CENPK: variants seen among roughly 807,000 people sequenced by gnomAD.
CENPK encodes SoxLZ/Sox6-binding protein Solt.
CENPK carries 46 observed loss-of-function variants against 40.9 expected under a neutral mutation model. The observed-to-expected ratio is 1.13, with a 90% CI of 0.89 to 1.44. The LOEUF (loss-of-function observed/expected upper bound fraction) is 1.44, where lower values mean the gene tolerates loss of function less well. CENPK is among the 40% of genes most tolerant of loss of function. The pLI is 0.00. For missense variants in CENPK, 288 were observed against 303.5 expected (o/e 0.95, Z 0.38); for synonymous variants, 107 against 104.4 (o/e 1.02, Z -0.15).
downstream of CENPK, among the ~76,000 whole-genome samples, chr5:65,515,660 C>T (rs1742806439): frequency 6.6e-6 from 1 of 152,014 alleles, no homozygotes. Flanking sequence ...TAGTTTAATT[C>T]CTTTGTAGTC....
chr5:65,549,207 CTT>C (rs964059095), intron 5 of CENPK, among the ~76,000 whole-genome samples: 1 of 147,670 alleles, frequency 6.8e-6, no homozygotes, highest in African/African-American at 2.5e-5. Context: ...TGAAAGGAAT[CTT>C]TTTTTTTTTC....
At chr5:65,553,756 T>G (rs1287699173) in intron 3 of CENPK, among the ~76,000 whole-genome samples, 1 of 152,214 alleles carries the variant, frequency 6.6e-6, no homozygotes. Context: ...TGGCAATACT[T>G]AGGGCTTCCT....
rs190396789 is a variant in CENPK, at chr5:65,549,009, C to T, written c.241+2555G>A. Among the ~76,000 whole-genome samples, 19 of 152,246 alleles carry T rather than the reference C, an allele frequency of 1.2e-4. 1 individual carries two copies. The highest frequency in any genetic ancestry group is 1.2e-4 in the Non-Finnish European group (8 of 68,022). ...AGGTTTCAATGTACTTTGGCCCAGA[C>T]CATCAGAGGACTTATGACAGCTATA... On this transcript the variant is annotated intron_variant, in intron 5 of 10. Transcript: ENST00000396679.
chr5:65,516,445 A>G (rs2150323357), downstream of CENPK, among the ~76,000 whole-genome samples: 1 of 152,286 alleles, frequency 6.6e-6, no homozygotes, highest in Admixed American at 6.5e-5. Context: ...CGAACAATCC[A>G]CCATCATGTG....
chr5:65,555,879 T>G (rs1581098828), intron 2 of CENPK, among the ~76,000 whole-genome samples: 1 of 152,362 alleles, frequency 6.6e-6, no homozygotes, highest in East Asian at 1.9e-4. Context: ...TTATTGGAGC[T>G]GCTGATTAAG....
chr5:65,498,426 C>A, the CENPK span, among the ~76,000 whole-genome samples: 1 of 151,828 alleles, frequency 6.6e-6, no homozygotes, highest in East Asian at 1.9e-4. Context: ...GAAGTAAAAT[C>A]CTACCTTCCT....
chr5:65,554,254 G>A (rs1407757901), intron 3 of CENPK, among the ~76,000 whole-genome samples: 1 of 151,426 alleles, frequency 6.6e-6, no homozygotes, highest in African/African-American at 2.4e-5. Flanking sequence ...CAATTCTCCT[G>A]TCTCAGCCTG....
At chr5:65,512,146 G>C in the CENPK span, among the ~76,000 whole-genome samples, 1 of 152,304 alleles carries the variant, frequency 6.6e-6, no homozygotes, top group East Asian at 1.9e-4. Context: ...GATACAACTT[G>C]AACAGATGAG....
At chr5:65,501,172 TTG>T in the CENPK span, among the ~76,000 whole-genome samples, 1 of 136,758 alleles carries the variant, frequency 7.3e-6, no homozygotes, top group Non-Finnish European at 1.5e-5. Context: ...ATTGCTAAGT[TTG>T]TTTTTTTTTT....
At chr5:65,550,361 A>C (rs1364865844) in intron 5 of CENPK, 1 of 152,126 alleles carries the variant, frequency 6.6e-6, no homozygotes, top group East Asian at 1.9e-4. Flanking sequence ...CTTAGAAACA[A>C]TTGGAGGGTT....
At chr5:65,536,806 C>T (rs1015987177) in intron 6 of CENPK, among the ~76,000 whole-genome samples, 6 of 152,162 alleles carry the variant, frequency 3.9e-5, no homozygotes, top group Admixed American at 2.0e-4. Flanking sequence ...TTCCAACTGT[C>T]CTTTTTTCCC....
chr5:65,533,370 TA>T (rs1746252535), intron 6 of CENPK, among the ~76,000 whole-genome samples: 3 of 150,970 alleles, frequency 2.0e-5, no homozygotes, highest in East Asian at 1.9e-4. Context: ...AATAAATAAA[TA>T]AAATAACAAA....
chr5:65,533,266 C>T (rs1477527928), intron 6 of CENPK, among the ~76,000 whole-genome samples: 1 of 151,934 alleles, frequency 6.6e-6, no homozygotes, highest in Non-Finnish European at 1.5e-5. Flanking sequence ...AGGAGAATTG[C>T]TTGAACCCAG....
chr5:65,515,204 A>AATTTTTTTTT (rs35708852), downstream of CENPK, among the ~76,000 whole-genome samples: 444 of 124,012 alleles, frequency 3.6e-3, 33 homozygotes, highest in Middle Eastern at 9.9e-3. Flanking sequence ...TCTCAAAAAA[A>AATTTTTTTTT]TTTTTTTTTT....
At chr5:65,505,669 C>T in the CENPK span, among the ~76,000 whole-genome samples, 5 of 152,084 alleles carry the variant, frequency 3.3e-5, no homozygotes, top group African/African-American at 4.8e-5. Flanking sequence ...AAACCTATGT[C>T]GTGTTGTGGA....
chr5:65,540,050 G>A (rs1405126840), intron 6 of CENPK, among the ~76,000 whole-genome samples: 2 of 152,158 alleles, frequency 1.3e-5, no homozygotes, highest in African/African-American at 2.4e-5. Flanking sequence ...AGTTGAGATG[G>A]CTGACTAATC....
chr5:65,512,462 A>G, the CENPK span, among the ~76,000 whole-genome samples: 1 of 152,220 alleles, frequency 6.6e-6, no homozygotes, highest in Non-Finnish European at 1.5e-5. Context: ...CGAACCTCCA[A>G]CAACCACTAC....
At chr5:65,513,264 T>A (rs930186822), downstream of CENPK, among the ~76,000 whole-genome samples, 4 of 152,164 alleles carry the variant, frequency 2.6e-5, no homozygotes, top group African/African-American at 9.7e-5. Flanking sequence ...TCTAACTTTG[T>A]TCTTCTTAAA....
chr5:65,543,039 C>T (rs1720578525), intron 5 of CENPK, among the ~76,000 whole-genome samples, 191 bp from the exon 6 acceptor site: 1 of 152,162 alleles, frequency 6.6e-6, no homozygotes, highest in Non-Finnish European at 1.5e-5. Flanking sequence ...ATTTGGCTCA[C>T]TGCAACCTCC....
Sources: allele counts gnomAD v4.1 joint callset (sites outside exome capture counted in the v4.1 genomes callset), GRCh38; gene constraint gnomAD v4.1.1; transcripts MANE v1.5; gene names NCBI Gene and HGNC (gene_info 2026-07-23, HGNC 2026-07-21).